The following GABBR2 variants were observed in gnomAD, a reference collection of about 807,000 sequenced individuals.
The protein encoded by GABBR2 is gamma-aminobutyric acid type B receptor subunit 2.
Under a neutral mutation model 105.6 loss-of-function variants are expected in GABBR2, and 23 were observed. The observed-to-expected ratio is 0.22, with a 90% CI of 0.16 to 0.31. GABBR2 has a LOEUF of 0.31. Among genes scored for constraint, GABBR2 ranks in the 10% least tolerant of loss-of-function variants. GABBR2 has a pLI of 1.00. For missense variants in GABBR2, 734 were observed against 1,245.5 expected (o/e 0.59, Z 6.18); for synonymous variants, 478 against 499.7 (o/e 0.96, Z 0.58).
chr9:98,639,359 C>A (rs1829926697), intron 1 of GABBR2, among the ~76,000 whole-genome samples: 1 of 152,176 alleles, frequency 6.6e-6, no homozygotes, highest in South Asian at 2.1e-4. Flanking sequence ...CCATCTGTCA[C>A]CACCTTGCAT....
intron 13 of GABBR2, among the ~76,000 whole-genome samples, chr9:98,350,636 G>A (rs1010496121): frequency 6.6e-5 from 10 of 152,012 alleles, no homozygotes; most frequent in South Asian, 2.1e-4. Flanking sequence ...AAAATTTGTC[G>A]AGACTTGTTT....
chr9:98,558,672 C>T lies in GABBR2; in HGVS notation c.460-16629G>A, dbSNP rs566913956. Among the ~76,000 whole-genome samples the T allele has an allele frequency of 4.6e-5, 7 of 152,340 alleles. No individual in the cohort carries two copies. The South Asian group carries it at 1.0e-3, about 23-fold the overall frequency. Reference sequence around the variant, plus strand: ...CCTGAGCAAACATGACCACTCACATCATCAGCCAGGACGCCCACAGCCACT... The same window carrying T: ...CCTGAGCAAACATGACCACTCACATTATCAGCCAGGACGCCCACAGCCACT... On this transcript the variant is annotated intron_variant, in intron 2 of 18. Coordinates refer to ENST00000259455, the MANE Select transcript of GABBR2 (RefSeq NM_005458.8).
chr9:98,602,855 T>A (rs1284060922), intron 1 of GABBR2, among the ~76,000 whole-genome samples: 1 of 152,222 alleles, frequency 6.6e-6, no homozygotes, highest in African/African-American at 2.4e-5. Flanking sequence ...GGGGCCATAG[T>A]CTGTACTGGA....
In GABBR2 at chr9:98,314,424, G is replaced by A. The variant is rs7029323; in HGVS notation, c.1894-3219C>T. Among the ~76,000 whole-genome samples the A allele has an allele frequency of 7.7e-3, 1,176 of 152,138 alleles. 9 individuals carry two copies. The highest frequency in any genetic ancestry group is 0.026 in the African/African-American group (1,072 of 41,488). On this transcript the variant is annotated intron_variant, in intron 13 of 18. Coordinates refer to ENST00000259455, the MANE Select transcript of GABBR2 (RefSeq NM_005458.8). The stretch of plus-strand genomic sequence containing the variant: ...ATGCATGAATGGCAAACCCATTAAC[G>A]GTGATCCTGTCTTTTCCTCTACAAT...
At chr9:98,686,374 T>C (rs1198717753) in intron 1 of GABBR2, among the ~76,000 whole-genome samples, 2 of 127,002 alleles carry the variant, frequency 1.6e-5, no homozygotes, top group African/African-American at 6.3e-5. Context: ...ATTGCAATAG[T>C]CCCCGAATAA....
chr9:98,464,112 G>C (rs892634057), intron 6 of GABBR2, among the ~76,000 whole-genome samples: 11 of 152,052 alleles, frequency 7.2e-5, no homozygotes, highest in Non-Finnish European at 1.3e-4. Flanking sequence ...GGGATGTGAG[G>C]AGCCCCTCTG....
intron 1 of GABBR2, among the ~76,000 whole-genome samples, chr9:98,578,590 T>C (rs1338574202): frequency 6.6e-6 from 1 of 152,158 alleles, no homozygotes; most frequent in Non-Finnish European, 1.5e-5. Context: ...CCATATGATC[T>C]AGCAATTCCA....
chr9:98,399,664 C>T (rs939971199), intron 8 of GABBR2, among the ~76,000 whole-genome samples: 4 of 152,150 alleles, frequency 2.6e-5, no homozygotes, highest in Admixed American at 2.6e-4. Context: ...TGTTGAGAAA[C>T]TTCAAAAGCA....
intron 1 of GABBR2, among the ~76,000 whole-genome samples, chr9:98,596,556 A>G (rs1037711354): frequency 7.2e-5 from 11 of 151,954 alleles, no homozygotes; most frequent in Admixed American, 1.3e-4. Flanking sequence ...CCCCCTCCCA[A>G]TTTTATTCCT....
intron 1 of GABBR2, among the ~76,000 whole-genome samples, chr9:98,636,860 C>G (rs1829884662): frequency 1.3e-5 from 2 of 152,108 alleles, no homozygotes; most frequent in African/African-American, 2.4e-5. Flanking sequence ...ATCTCCCAAC[C>G]CACACTAAAA....
intron 1 of GABBR2, among the ~76,000 whole-genome samples, chr9:98,679,249 C>T (rs1830510688): frequency 6.6e-6 from 1 of 152,148 alleles, no homozygotes; most frequent in Non-Finnish European, 1.5e-5. Flanking sequence ...AGAAGTATTG[C>T]TACTTGCATA....
chr9:98,319,545 T>C lies in GABBR2; in HGVS notation c.1894-8340A>G, dbSNP rs115891855. Reference sequence around the variant, plus strand: ...CATGGGCACTTCCAGCCACTTTTCTTTGGGGATGCAGAGAGCAATTATTTG... The same window carrying C: ...CATGGGCACTTCCAGCCACTTTTCTCTGGGGATGCAGAGAGCAATTATTTG... On this transcript the variant is annotated intron_variant, in intron 13 of 18. Transcript: ENST00000259455. Among the ~76,000 whole-genome samples the C allele has an allele frequency of 4.1e-3, 625 of 151,992 alleles. 3 individuals carry two copies. Among genetic ancestry groups the C allele is most frequent in the African/African-American group, 0.015 (606 of 41,450 alleles).
intron 13 of GABBR2, among the ~76,000 whole-genome samples, chr9:98,360,987 C>G (rs1156330234): frequency 6.6e-6 from 1 of 152,208 alleles, no homozygotes; most frequent in Non-Finnish European, 1.5e-5. Flanking sequence ...TCCACAAACT[C>G]TGCCTGACTC....
chr9:98,492,377 A>AAAT (rs869245590), intron 4 of GABBR2, among the ~76,000 whole-genome samples: 1 of 145,462 alleles, frequency 6.9e-6, no homozygotes, highest in East Asian at 2.0e-4. Context: ...AAAAAAAAAA[A>AAAT]TTCTTATTTG....
In GABBR2 at chr9:98,606,813, T is replaced by TA. The variant is rs1411677121; in HGVS notation, c.322-28742dup. On this transcript the variant is annotated intron_variant, in intron 1 of 18. Coordinates refer to ENST00000259455, the MANE Select transcript of GABBR2 (RefSeq NM_005458.8). ...TTTTTTTATGATAACTTTCCTTTTT[T>TA]AAAAAAAAAGTACAAACAGTGCGAG... 1.8e-3 allele frequency: 581 copies of TA among 327,844 alleles called. 2 individuals are homozygous for TA. Among genetic ancestry groups the TA allele is most frequent in the Non-Finnish European group, 2.4e-3 (408 of 172,010 alleles). The allele number at this position is 327,844 out of a possible 1,614,324, so 20.3% of individuals were successfully genotyped here.
At chr9:98,656,318 C>T (rs1472210201) in intron 1 of GABBR2, among the ~76,000 whole-genome samples, 3 of 151,922 alleles carry the variant, frequency 2.0e-5, no homozygotes, top group African/African-American at 7.3e-5. Context: ...TGGGGCCATC[C>T]CTAAAGAAAA....
chr9:98,295,296 G>C (rs893539958), intron 17 of GABBR2, among the ~76,000 whole-genome samples: 7 of 152,160 alleles, frequency 4.6e-5, no homozygotes, highest in Non-Finnish European at 1.0e-4. Context: ...GTATCTTCCT[G>C]AAGGTTATTT....
intron 6 of GABBR2, among the ~76,000 whole-genome samples, chr9:98,465,470 C>G (rs1205507861): frequency 1.3e-5 from 2 of 152,176 alleles, no homozygotes; most frequent in Admixed American, 1.3e-4. Context: ...ATCTTCATAG[C>G]CTTTGAGTGG....
chr9:98,648,128 G>GT (rs1271189831), intron 1 of GABBR2, among the ~76,000 whole-genome samples: 1 of 72,238 alleles, frequency 1.4e-5, no homozygotes. Context: ...TAGATAGATA[G>GT]ATAGATAGAT....
Sources: allele counts gnomAD v4.1 joint callset (sites outside exome capture counted in the v4.1 genomes callset), GRCh38; gene constraint gnomAD v4.1.1; transcripts MANE v1.5; gene names NCBI Gene and HGNC (gene_info 2026-07-23, HGNC 2026-07-21).